SCN9A: variants seen among roughly 807,000 people sequenced by gnomAD.
SCN9A encodes sodium channel protein type 9 subunit alpha.
Under a neutral mutation model 187.0 loss-of-function variants are expected in SCN9A, and 131 were observed. That is an observed-to-expected ratio of 0.70 (90% CI 0.61 to 0.81). The LOEUF (loss-of-function observed/expected upper bound fraction) is 0.81, where lower values mean the gene tolerates loss of function less well. Among genes scored for constraint, SCN9A ranks in the 30% least tolerant of loss-of-function variants. SCN9A has a pLI of 0.00. For synonymous variants in SCN9A, 809 were observed against 808.6 expected, an observed-to-expected ratio of 1.00 and a Z score of -0.01; for missense variants, 2,252 against 2,396.6, an observed-to-expected ratio of 0.94 and a Z score of 1.26.
chr2:166,320,577 C>T (rs1489867039), intron 1 of SCN9A, among the ~76,000 whole-genome samples: 2 of 152,118 alleles, frequency 1.3e-5, no homozygotes, highest in African/African-American at 2.4e-5. Flanking sequence ...GAATACTGAA[C>T]ACTTCATTGG....
chr2:166,356,558 T>C (rs925784075), intron 1 of SCN9A, among the ~76,000 whole-genome samples: 5 of 152,166 alleles, frequency 3.3e-5, no homozygotes, highest in Non-Finnish European at 7.3e-5. Context: ...AACTCAAAAG[T>C]ATGTATAACG....
At chr2:166,350,519 G>C (rs1660876904) in intron 1 of SCN9A, among the ~76,000 whole-genome samples, 1 of 152,168 alleles carries the variant, frequency 6.6e-6, no homozygotes, top group African/African-American at 2.4e-5. Flanking sequence ...AGTATGCATA[G>C]GGGTATACTT....
At chr2:166,279,020 G>T (rs1697360505) in intron 14 of SCN9A, among the ~76,000 whole-genome samples, 1 of 152,168 alleles carries the variant, frequency 6.6e-6, no homozygotes, top group Admixed American at 6.6e-5. Flanking sequence ...AAATAATGCA[G>T]GATCAAGAAG....
intron 24 of SCN9A, among the ~76,000 whole-genome samples, chr2:166,221,505 A>G (rs989769923): frequency 6.6e-6 from 1 of 152,060 alleles, no homozygotes; most frequent in East Asian, 1.9e-4. Flanking sequence ...GGCTTCAGTG[A>G]TCCTCCCACC....
intron 17 of SCN9A, among the ~76,000 whole-genome samples, chr2:166,258,740 C>G (rs917751894): frequency 6.6e-6 from 1 of 151,626 alleles, no homozygotes; most frequent in Non-Finnish European, 1.5e-5. Flanking sequence ...TTACAATGAT[C>G]TTTTCCTGCT....
chr2:166,339,200 C>A (rs762309744), intron 1 of SCN9A, among the ~76,000 whole-genome samples: 1 of 152,114 alleles, frequency 6.6e-6, no homozygotes, highest in Non-Finnish European at 1.5e-5. Flanking sequence ...CTAGAAGCCA[C>A]GCTTTGTTGG....
intron 20 of SCN9A, 103 bp downstream of exon 20, chr2:166,237,991 C>T: frequency 1.3e-6 from 1 of 789,574 alleles, no homozygotes; most frequent in Non-Finnish European, 2.0e-6. Flanking sequence ...ATATATGAAG[C>T]TTAACAAAAT....
chr2:166,356,500 A>G (rs1362055766), intron 1 of SCN9A, among the ~76,000 whole-genome samples: 1 of 152,098 alleles, frequency 6.6e-6, no homozygotes, highest in Non-Finnish European at 1.5e-5. Context: ...TTTTTTCCCC[A>G]TAAATAGCAT....
At chr2:166,369,442 A>G (rs1054714667) in intron 1 of SCN9A, among the ~76,000 whole-genome samples, 1 of 152,194 alleles carries the variant, frequency 6.6e-6, no homozygotes, top group African/African-American at 2.4e-5. Context: ...GTTCATTCCT[A>G]AAAGTCTGTC....
At position 166,284,559 on chromosome 2, in the gene SCN9A, T is replaced by C; in HGVS notation, c.1868A>G (p.Asp623Gly). ...PVNGKMHSAV[D>G]CNGVVSLVDG... ...AACCAGGGAGACCACACCGTTGCAGTCCACAGCACTGTGCATTTTCCCGTT... is the reference window on the plus strand; with the variant it reads ...AACCAGGGAGACCACACCGTTGCAGCCCACAGCACTGTGCATTTTCCCGTT... The change falls in exon 12 of 27, where the codon GAC becomes GGC. Residue 623 changes from aspartate to glycine, a missense_variant. By Grantham distance (94) the Asp-to-Gly change is moderately conservative (BLOSUM62 -1). Coordinates refer to ENST00000642356, the MANE Select transcript of SCN9A (RefSeq NM_001365536.1). 6.2e-7 allele frequency: 1 copy of C among 1,614,148 alleles called. No individual in the cohort carries two copies. Among genetic ancestry groups the C allele is most frequent in the Admixed American group, 1.7e-5 (1 of 60,028 alleles).
At chr2:166,311,847 G>C (rs531975462) in intron 1 of SCN9A, 41 bp from the exon 2 acceptor site, 1 of 1,224,186 alleles carries the variant, frequency 8.2e-7, no homozygotes, top group South Asian at 1.9e-5. Context: ...CTATTTGCCT[G>C]CCAAGAAAGG....
At chr2:166,287,057 A>T (rs1417984039) in intron 10 of SCN9A, among the ~76,000 whole-genome samples, 2 of 152,192 alleles carry the variant, frequency 1.3e-5, no homozygotes, top group African/African-American at 4.8e-5. Flanking sequence ...TAAATGAATT[A>T]TTAAAGCATA....
chr2:166,295,993 T>C (rs1269794186), intron 7 of SCN9A: 1 of 152,234 alleles, frequency 6.6e-6, no homozygotes, highest in East Asian at 1.9e-4. Flanking sequence ...TCTATTCTAC[T>C]ATAAGAACCT....
At chr2:166,325,060 G>T (rs1003584896) in intron 1 of SCN9A, among the ~76,000 whole-genome samples, 2 of 152,104 alleles carry the variant, frequency 1.3e-5, no homozygotes, top group Non-Finnish European at 2.9e-5. Context: ...TGGATGTGGG[G>T]TATATTGAAA....
In SCN9A at chr2:166,357,106, C is replaced by T. The variant is rs187133567; in HGVS notation, c.-51+18591G>A. ...TTAGTTATTTTTCCTGATCCCCTCCCTCCTGCCACCCTCCACCCTCCAATG... is the reference window on the plus strand; with the variant it reads ...TTAGTTATTTTTCCTGATCCCCTCCTTCCTGCCACCCTCCACCCTCCAATG... On this transcript the variant is annotated intron_variant, in intron 1 of 26. Coordinates refer to ENST00000642356, the MANE Select transcript of SCN9A (RefSeq NM_001365536.1). Among the ~76,000 whole-genome samples the T allele has an allele frequency of 8.6e-3, 1,303 of 152,224 alleles. 8 individuals are homozygous for T. The highest frequency in any genetic ancestry group is 0.015 in the South Asian group (72 of 4,822).
chr2:166,199,182 G>T lies in SCN9A; in HGVS notation c.5457C>A (p.Asn1819Lys). The change falls in exon 27 of 27, where the codon AAC (asparagine) becomes AAA (lysine). Residue 1819 changes from asparagine (N) to lysine (K), a missense_variant. Transcript: ENST00000642356. Reference protein sequence around the residue: ...LDPPLLIAKPNKVQLIAMDLP... With the variant: ...LDPPLLIAKPKKVQLIAMDLP... The stretch of plus-strand genomic sequence containing the variant: ...GATCCATGGCAATGAGCTGGACTTT[G>T]TTGGGTTTTGCTATGAGAAGAGGAG... 6.2e-7 allele frequency: 1 copy of T among 1,614,204 alleles called. No individual in the cohort carries two copies. Among genetic ancestry groups the T allele is most frequent in the East Asian group, 2.2e-5 (1 of 44,874 alleles).
Position 166,199,438 on chromosome 2 carries a change from G to C in SCN9A, c.5201C>G (p.Ser1734Cys). Residue 1734 changes from serine to cysteine, a missense_variant, in exon 27 of 27, where the codon TCT (serine) becomes TGT (cysteine). Ser to Cys is a moderately radical substitution (Grantham distance 112). Transcript: ENST00000642356. Reference protein sequence around the residue: ...SSVEGDCGNPSVGIFYFVSYI... With the variant: ...SSVEGDCGNPCVGIFYFVSYI... ...ACTAACAAAGTAGAATATTCCAACA[G>C]ATGGGTTACCACAGTCTCCTTCAAC... 1 of 1,614,200 alleles carries C rather than the reference G, an allele frequency of 6.2e-7. No individual in the cohort carries two copies. The highest frequency in any genetic ancestry group is 8.5e-7 in the Non-Finnish European group (1 of 1,180,044).
chr2:166,319,105 T>C (rs903977353), intron 1 of SCN9A, among the ~76,000 whole-genome samples: 4 of 152,084 alleles, frequency 2.6e-5, no homozygotes, highest in Non-Finnish European at 4.4e-5. Context: ...CTTCCAAAAA[T>C]AAGATAACTA....
chr2:166,358,232 G>T (rs1700198901), intron 1 of SCN9A, among the ~76,000 whole-genome samples: 1 of 151,688 alleles, frequency 6.6e-6, no homozygotes, highest in African/African-American at 2.4e-5. Context: ...ACCACACCCG[G>T]CTAATTTTTG....
Sources: allele counts gnomAD v4.1 joint callset (sites outside exome capture counted in the v4.1 genomes callset), GRCh38; gene constraint gnomAD v4.1.1; transcripts MANE v1.5; gene names NCBI Gene and HGNC (gene_info 2026-07-23, HGNC 2026-07-21).